EP300: variants seen among roughly 807,000 people sequenced by gnomAD.
EP300 encodes histone acetyltransferase p300.
In EP300, 31 loss-of-function variants were observed where a neutral mutation model predicts 264.0. The observed-to-expected ratio is 0.12, with a 90% CI of 0.09 to 0.16. The LOEUF (loss-of-function observed/expected upper bound fraction) is 0.16, where lower values mean the gene tolerates loss of function less well. EP300 is among the 10% of genes least tolerant of loss of function. The pLI, the probability that EP300 is intolerant of heterozygous loss-of-function variation, is 1.00. For synonymous variants in EP300, 1,340 were observed against 1,045.4 expected (o/e 1.28, Z -5.44); for missense variants, 2,766 against 3,052.9 (o/e 0.91, Z 2.21).
chr22:41,177,463 C>G lies in EP300; in HGVS notation c.5752C>G (p.Leu1918Val). 6.2e-7 allele frequency: 1 copy of G among 1,614,212 alleles called. No individual in the cohort carries two copies. Among genetic ancestry groups the G allele is most frequent in the Non-Finnish European group, 8.5e-7 (1 of 1,180,044 alleles). Residue 1918 changes from leucine (L) to valine (V), a missense_variant, in exon 31 of 31, where the codon CTT (leucine) becomes GTT (valine). Transcript: ENST00000263253. Reference protein sequence around the residue: ...PTPPQTAQPPLPGPPPAAVEM... With the variant: ...PTPPQTAQPPVPGPPPAAVEM... ...CCCTCCTCAGACTGCTCAGCCACCC[C>G]TTCCAGGGCCCCCACCTGCAGCAGT...
intron 23 of EP300, 92 bp downstream of exon 23, chr22:41,166,758 C>T: frequency 1.3e-6 from 1 of 771,182 alleles, no homozygotes; most frequent in Non-Finnish European, 2.2e-6. Flanking sequence ...TTTTTAATCA[C>T]AGTAATAGAG....
At chr22:41,146,201 A>G (rs1389327849) in intron 10 of EP300, among the ~76,000 whole-genome samples, 4 of 141,296 alleles carry the variant, frequency 2.8e-5, no homozygotes, top group Non-Finnish European at 4.6e-5. Flanking sequence ...GTCTTGCTCC[A>G]TCGCCCAGGC....
chr22:41,120,415 T>C (rs1473943226), intron 2 of EP300, among the ~76,000 whole-genome samples: 1 of 152,222 alleles, frequency 6.6e-6, no homozygotes, highest in African/African-American at 2.4e-5. Context: ...GAGCGAATTA[T>C]ACTCATTACA....
intron 29 of EP300, chr22:41,174,636 GAA>G (rs1290948236): frequency 6.6e-6 from 1 of 151,832 alleles, no homozygotes; most frequent in Non-Finnish European, 1.5e-5. Context: ...CAGGAGAATT[GAA>G]GAGTAATTCC....
intron 29 of EP300, chr22:41,175,943 G>T (rs1212984086): frequency 2.4e-6 from 1 of 417,944 alleles, no homozygotes; most frequent in African/African-American, 2.0e-5. Context: ...TGCTCAGCCT[G>T]CTGTACCTGC....
At chr22:41,093,121 T>C (rs753510967) in intron 1 of EP300, 23 bp downstream of exon 1, 20 of 1,611,154 alleles carry the variant, frequency 1.2e-5, no homozygotes, top group Non-Finnish European at 1.6e-5. Flanking sequence ...AGCCCCGGCC[T>C]TCCACGTTCC....
chr22:41,163,384 G>A (rs1204145900), intron 21 of EP300, among the ~76,000 whole-genome samples: 4 of 139,518 alleles, frequency 2.9e-5, no homozygotes, highest in East Asian at 4.3e-4. Flanking sequence ...GCAGTGAGCC[G>A]AGATCCCGCC....
chr22:41,097,314 T>A (rs1186187867), intron 1 of EP300, among the ~76,000 whole-genome samples: 1 of 152,210 alleles, frequency 6.6e-6, no homozygotes, highest in Non-Finnish European at 1.5e-5. Flanking sequence ...GTTCATCTTC[T>A]ATAGCAGAGG....
chr22:41,112,060 T>G (rs1175343198), intron 1 of EP300, among the ~76,000 whole-genome samples: 1 of 151,522 alleles, frequency 6.6e-6, no homozygotes, highest in Non-Finnish European at 1.5e-5. Context: ...GCTAATTTTT[T>G]GTATTTTTTA....
intron 9 of EP300, 108 bp downstream of exon 9, chr22:41,140,365 G>A (rs1029576598): frequency 3.3e-5 from 27 of 819,060 alleles, no homozygotes; most frequent in South Asian, 5.4e-5. Flanking sequence ...CGGGGGACAC[G>A]CTGTAGCTAT....
At chr22:41,167,584 G>GTGTATATA (rs869093144) in intron 23 of EP300, among the ~76,000 whole-genome samples, 21 of 34,440 alleles carry the variant, frequency 6.1e-4, no homozygotes, top group South Asian at 8.0e-4. Flanking sequence ...GTGTGTGTGT[G>GTGTATATA]TATATATATA....
intron 2 of EP300, among the ~76,000 whole-genome samples, chr22:41,120,681 T>G (rs960321133): frequency 4.6e-5 from 7 of 152,132 alleles, no homozygotes; most frequent in African/African-American, 7.2e-5. Context: ...ACCCCAATCT[T>G]TAGATTCAGC....
chr22:41,126,328 C>T (rs926181371), intron 3 of EP300: 16 of 359,380 alleles, frequency 4.5e-5, no homozygotes, highest in South Asian at 3.0e-4. Flanking sequence ...GTCTTGTGAG[C>T]GTTTCCATAC....
chr22:41,165,234 T>A (rs1219709928), intron 22 of EP300, among the ~76,000 whole-genome samples: 1 of 152,206 alleles, frequency 6.6e-6, no homozygotes, highest in Non-Finnish European at 1.5e-5. Flanking sequence ...TTAGGATCAG[T>A]CAACTGAATG....
chr22:41,168,048 C>T (rs1037562507), intron 23 of EP300, among the ~76,000 whole-genome samples: 5 of 151,450 alleles, frequency 3.3e-5, no homozygotes, highest in Non-Finnish European at 7.4e-5. Flanking sequence ...TCTCGAACTC[C>T]TGACCTCAGG....
chr22:41,171,638 A>C (rs1478455539), intron 27 of EP300, among the ~76,000 whole-genome samples: 2 of 151,814 alleles, frequency 1.3e-5, no homozygotes, highest in Non-Finnish European at 2.9e-5. Flanking sequence ...CACCCAGCCA[A>C]AAATATATTC....
intron 16 of EP300, among the ~76,000 whole-genome samples, chr22:41,153,611 G>A (rs1224856228): frequency 1.3e-5 from 2 of 152,156 alleles, no homozygotes; most frequent in Non-Finnish European, 2.9e-5. Context: ...TTAGCCGGGT[G>A]TGGTGGCTCT....
intron 8 of EP300, 109 bp from the exon 9 acceptor site, chr22:41,140,031 A>T: frequency 1.2e-6 from 1 of 800,140 alleles, no homozygotes; most frequent in Non-Finnish European, 2.2e-6. Flanking sequence ...AATATATATC[A>T]CCTTGCCATT....
At chr22:41,123,545 G>A (rs2058863923) in intron 2 of EP300, among the ~76,000 whole-genome samples, 1 of 152,152 alleles carries the variant, frequency 6.6e-6, no homozygotes, top group Non-Finnish European at 1.5e-5. Flanking sequence ...ACATGGGAAG[G>A]GTTTTAGTGT....
Sources: gnomAD v4.1 joint callset for allele counts (sites outside exome capture counted in the v4.1 genomes callset) on GRCh38, gnomAD v4.1.1 for gene constraint, MANE v1.5 for transcripts, NCBI Gene and HGNC (gene_info 2026-07-23, HGNC 2026-07-21) for gene names.